The following ACAD11 variants were observed in gnomAD, a reference collection of about 807,000 sequenced individuals.
ACAD11 encodes acyl-CoA dehydrogenase family member 11, also known as acyl-Coenzyme A dehydrogenase family, member 11.
Under a neutral mutation model 102.2 loss-of-function variants are expected in ACAD11, and 83 were observed. That is an observed-to-expected ratio of 0.81 (90% CI 0.68 to 0.97). The LOEUF (loss-of-function observed/expected upper bound fraction) is 0.97, where lower values mean the gene tolerates loss of function less well. Ranked by LOEUF, ACAD11 falls within the 50% of genes least tolerant of loss-of-function variation. The pLI is 0.00. For missense variants in ACAD11, 901 were observed against 951.7 expected (o/e 0.95, Z 0.70); for synonymous variants, 324 against 319.8 (o/e 1.01, Z -0.14).
chr3:132,567,736 TCCA>T (rs1336012042), intron 17 of ACAD11, among the ~76,000 whole-genome samples: 1 of 152,104 alleles, frequency 6.6e-6, no homozygotes, highest in Admixed American at 6.5e-5. Context: ...TATGGTGGCA[TCCA>T]CAACAGGACA....
At chr3:132,603,517 G>C (rs1226848616) in intron 12 of ACAD11, among the ~76,000 whole-genome samples, 190 bp from the exon 13 acceptor site, 2 of 152,216 alleles carry the variant, frequency 1.3e-5, no homozygotes, top group Non-Finnish European at 1.5e-5. Context: ...ATGAGTGAAT[G>C]AATGAAGTAT....
At position 132,591,813 on chromosome 3, in the gene ACAD11, C is replaced by T. The variant is rs1054086948; in HGVS notation, c.1621+11416G>A. On this transcript the variant is annotated intron_variant, in intron 13 of 19. Transcript: ENST00000264990. ...TGTTGAGATGGCAGGACTGCTTGAGCCCCGGGAAGTCAAGGTTGCAGTGAG... is the reference window on the plus strand; with the variant it reads ...TGTTGAGATGGCAGGACTGCTTGAGTCCCGGGAAGTCAAGGTTGCAGTGAG... Among the ~76,000 whole-genome samples, 5 of 152,084 alleles carry T rather than the reference C, an allele frequency of 3.3e-5. No homozygotes were observed. In the East Asian group the frequency reaches 9.7e-4, roughly 29 times the overall value.
intron 8 of ACAD11, chr3:132,627,080 T>C (rs1939848043): frequency 3.6e-6 from 1 of 278,740 alleles, no homozygotes. Flanking sequence ...ATGTTAGTGA[T>C]AGATGCAGGA....
intron 1 of ACAD11, among the ~76,000 whole-genome samples, chr3:132,656,658 C>A (rs191396063): frequency 1.6e-4 from 24 of 152,058 alleles, no homozygotes; most frequent in African/African-American, 5.3e-4. Flanking sequence ...CCACACCCAG[C>A]TAATTTCGTA....
intron 17 of ACAD11, among the ~76,000 whole-genome samples, chr3:132,571,862 C>T (rs1484984970): frequency 1.3e-5 from 2 of 152,144 alleles, no homozygotes; most frequent in Non-Finnish European, 2.9e-5. Context: ...AACACCTCTG[C>T]TAAACTTTTC....
chr3:132,588,192 G>GTATGTAT (rs1937925182), intron 13 of ACAD11, among the ~76,000 whole-genome samples: 1 of 150,684 alleles, frequency 6.6e-6, no homozygotes, highest in African/African-American at 2.5e-5. Flanking sequence ...CAGGCAGGCA[G>GTATGTAT]GTATGTATGT....
At chr3:132,638,100 G>A (rs528387843) in intron 5 of ACAD11, among the ~76,000 whole-genome samples, 6 of 152,086 alleles carry the variant, frequency 3.9e-5, no homozygotes, top group African/African-American at 1.4e-4. Flanking sequence ...AAAATGAAGG[G>A]GAAAAAATGG....
rs1173375724 is a variant in ACAD11, at chr3:132,626,768, C to A, written c.1120G>T (p.Val374Leu). The A allele has an allele frequency of 6.2e-7, 1 of 1,613,766 alleles. No homozygotes were observed. Among genetic ancestry groups the A allele is most frequent in the Non-Finnish European group, 8.5e-7 (1 of 1,179,924 alleles). The change falls in exon 9 of 20, where the codon GTA (valine) becomes TTA (leucine). Residue 374 changes from valine (V) to leucine (L), a missense_variant. Coordinates refer to ENST00000264990, the MANE Select transcript of ACAD11 (RefSeq NM_032169.5). ...PQIDTTGQLF[V>L]QTRKGQEVLI... is the part of the protein sequence containing the mutation. The stretch of plus-strand genomic sequence containing the variant: ...ACTTCCTGACCTTTCCGAGTCTGTA[C>A]AAACAACTGTCCAGTAGTATCAATC...
intron 7 of ACAD11, 86 bp from the exon 8 acceptor site, chr3:132,628,532 T>G: frequency 2.2e-6 from 2 of 924,170 alleles, no homozygotes; most frequent in South Asian, 3.2e-5. Flanking sequence ...CAGTTATATG[T>G]GACATTATAC....
chr3:132,636,649 A>G (rs552319862), intron 5 of ACAD11, among the ~76,000 whole-genome samples: 1 of 152,308 alleles, frequency 6.6e-6, no homozygotes, highest in Admixed American at 6.5e-5. Context: ...AGTGTGAAGC[A>G]TGGTCAGTCA....
Position 132,631,482 on chromosome 3 carries a change from G to A in ACAD11, c.703-3C>T. The A allele has an allele frequency of 1.4e-6, 2 of 1,458,590 alleles. No homozygotes were observed. Among genetic ancestry groups the A allele is most frequent in the Non-Finnish European group, 1.8e-6 (2 of 1,100,444 alleles). The allele number at this position is 1,458,590 out of a possible 1,614,324, so 90.4% of individuals were successfully genotyped here. On this transcript the variant is annotated splice_polypyrimidine_tract_variant and splice_region_variant and intron_variant, in intron 5 of 19. Transcript: ENST00000264990. ...TCCAGCACTGCTATAACTCGACACT[G>A]TAATTAAAAATAAAGAGGTCTGTAA...
intron 13 of ACAD11, among the ~76,000 whole-genome samples, chr3:132,583,290 C>T (rs1367848749): frequency 2.0e-5 from 3 of 151,908 alleles, no homozygotes; most frequent in Non-Finnish European, 2.9e-5. Context: ...AGGGTGTATG[C>T]GTCGAGGAAT....
At chr3:132,582,016 A>C (rs971704294) in intron 13 of ACAD11, among the ~76,000 whole-genome samples, 8 of 152,072 alleles carry the variant, frequency 5.3e-5, no homozygotes, top group African/African-American at 1.9e-4. Flanking sequence ...ACAATAAGAA[A>C]GGGAGGGATA....
At chr3:132,648,791 G>C (rs1205977709) in intron 1 of ACAD11, 2 of 152,198 alleles carry the variant, frequency 1.3e-5, no homozygotes, top group Middle Eastern at 3.2e-3. Context: ...CAACCAGTTT[G>C]GTTTGTGTAG....
At chr3:132,567,753 A>G (rs146650859) in intron 17 of ACAD11, among the ~76,000 whole-genome samples, 1 of 152,182 alleles carries the variant, frequency 6.6e-6, no homozygotes, top group African/African-American at 2.4e-5. Flanking sequence ...CAGGACATCT[A>G]CAAAAATGCT....
At chr3:132,622,331 C>T (rs1418680469) in intron 9 of ACAD11, among the ~76,000 whole-genome samples, 1 of 152,090 alleles carries the variant, frequency 6.6e-6, no homozygotes, top group Non-Finnish European at 1.5e-5. Flanking sequence ...ATGAACAGCC[C>T]TTCTCATTTC....
At chr3:132,588,589 A>G (rs534947650) in intron 13 of ACAD11, among the ~76,000 whole-genome samples, 1 of 152,310 alleles carries the variant, frequency 6.6e-6, no homozygotes, top group Admixed American at 6.5e-5. Context: ...TATAAATAAC[A>G]TACGTAAAAT....
chr3:132,618,292 T>C (rs1428096476), intron 11 of ACAD11: 1 of 244,260 alleles, frequency 4.1e-6, no homozygotes, highest in Non-Finnish European at 7.7e-6. Context: ...GAATGAATAG[T>C]GAGGCTAACC....
intron 11 of ACAD11, among the ~76,000 whole-genome samples, chr3:132,612,179 A>G (rs1362569429): frequency 6.6e-6 from 1 of 152,080 alleles, no homozygotes; most frequent in East Asian, 1.9e-4. Flanking sequence ...CATATGTAGA[A>G]AGCTGAAACT....
Sources: gnomAD v4.1 joint callset for allele counts (sites outside exome capture counted in the v4.1 genomes callset) on GRCh38, gnomAD v4.1.1 for gene constraint, MANE v1.5 for transcripts, NCBI Gene and HGNC (gene_info 2026-07-23, HGNC 2026-07-21) for gene names.